Variants in NECTIN2 observed in about 807,000 individuals in gnomAD.
NECTIN2 encodes the protein nectin-2.
In NECTIN2, 23 loss-of-function variants were observed where a neutral mutation model predicts 56.9. The observed-to-expected ratio is 0.40, with a 90% CI of 0.29 to 0.57. The LOEUF (loss-of-function observed/expected upper bound fraction) is 0.57, where lower values mean the gene tolerates loss of function less well. Ranked by LOEUF, NECTIN2 falls within the 20% of genes least tolerant of loss-of-function variation. The pLI is 0.38. For missense variants in NECTIN2, 587 were observed against 718.3 expected (o/e 0.82, Z 2.09); for synonymous variants, 302 against 313.8 (o/e 0.96, Z 0.40).
At position 44,888,967 on chromosome 19, in the gene NECTIN2, A is replaced by G. The variant is rs746856829; in HGVS notation, c.*588A>G. The G allele has an allele frequency of 6.7e-6, 1 of 148,538 alleles. No homozygotes were observed. Among genetic ancestry groups the G allele is most frequent in the Non-Finnish European group, 1.5e-5 (1 of 67,340 alleles). 9.2% of individuals were successfully genotyped at this position (148,538 alleles called of 1,614,324 possible). ...TCCCTGAGCCCCCACCCCCACCCCAATTCCTGCCTACCAAGCAAGCAGCCC... is the reference window on the plus strand; with the variant it reads ...TCCCTGAGCCCCCACCCCCACCCCAGTTCCTGCCTACCAAGCAAGCAGCCC... On this transcript the variant is annotated 3_prime_UTR_variant, in exon 9 of 9. Transcript: ENST00000252483.
intron 1 of NECTIN2, among the ~76,000 whole-genome samples, chr19:44,856,739 G>A (rs1968969879): frequency 6.6e-6 from 1 of 152,128 alleles, no homozygotes; most frequent in Admixed American, 6.6e-5. Flanking sequence ...TGCCTTGTGG[G>A]AGGGGGGTGA....
chr19:44,877,640 C>A (rs1481487940), intron 5 of NECTIN2, among the ~76,000 whole-genome samples: 1 of 152,258 alleles, frequency 6.6e-6, no homozygotes, highest in East Asian at 1.9e-4. Flanking sequence ...GCTTTGGGAT[C>A]AGACAGCCTC....
chr19:44,854,807 C>T (rs1968944353), intron 1 of NECTIN2, among the ~76,000 whole-genome samples: 1 of 150,770 alleles, frequency 6.6e-6, no homozygotes, highest in Admixed American at 6.6e-5. Flanking sequence ...AGTGAGACTC[C>T]ACCTCAAAAA....
intron 3 of NECTIN2, 102 bp from the exon 4 acceptor site, chr19:44,873,814 G>A: frequency 1.2e-6 from 1 of 863,518 alleles, no homozygotes; most frequent in Non-Finnish European, 1.9e-6. Context: ...TGTACCTCCT[G>A]CCAACCCGCC....
At chr19:44,879,647 C>T (rs528419326) in intron 5 of NECTIN2, among the ~76,000 whole-genome samples, 130 of 152,174 alleles carry the variant, frequency 8.5e-4, no homozygotes, top group Non-Finnish European at 1.5e-3. Flanking sequence ...GGAGGGGCGG[C>T]CCTTGGTCCT....
chr19:44,876,343 A>C (rs1188722100), intron 5 of NECTIN2, among the ~76,000 whole-genome samples: 1 of 152,046 alleles, frequency 6.6e-6, no homozygotes, highest in East Asian at 1.9e-4. Flanking sequence ...CCACACACCC[A>C]GCAGGTGGCT....
chr19:44,878,824 G>T, intron 5 of NECTIN2: 2 of 1,382,424 alleles, frequency 1.4e-6, no homozygotes, highest in Non-Finnish European at 1.9e-6. Flanking sequence ...GGAGCCCGGG[G>T]AGCTGAGTAG....
intron 1 of NECTIN2, among the ~76,000 whole-genome samples, chr19:44,863,065 G>A (rs1216495330): frequency 6.6e-6 from 1 of 151,930 alleles, no homozygotes; most frequent in Admixed American, 6.6e-5. Flanking sequence ...GGGAGGCTGA[G>A]GCAGGAGAAT....
chr19:44,879,709 C>T (rs3852860), intron 5 of NECTIN2, among the ~76,000 whole-genome samples: 63,937 of 151,972 alleles, frequency 0.42, 14,213 homozygotes, highest in East Asian at 0.75. Context: ...CACCTCTGCT[C>T]TCCCAAGCCT....
chr19:44,887,651 C>T (rs1233346845), intron 8 of NECTIN2, among the ~76,000 whole-genome samples: 1 of 149,672 alleles, frequency 6.7e-6, no homozygotes, highest in East Asian at 1.9e-4. Context: ...GTCTCAACAA[C>T]AAAAAAAAAC....
Position 44,865,638 on chromosome 19 carries a change from G to A in NECTIN2, c.456G>A (p.Gly152=). 2 of 1,533,774 alleles carry A rather than the reference G, an allele frequency of 1.3e-6. No individual in the cohort carries two copies. The highest frequency in any genetic ancestry group is 1.7e-6 in the Non-Finnish European group (2 of 1,144,288). ...CCTTCCCCAAGGGGTCCGTCCGAGG[G>A]ATGACCTGGCTCAGAGTCATAGGTG... ...FATFPKGSVR[G]MTWLRVIAKP... The change falls in exon 2 of 9, where the codon GGG becomes GGA. Residue 152 remains glycine, a synonymous_variant. Transcript: ENST00000252483. This position sits in a 1 kb window ranked among gnomAD's most constrained non-coding sequence, Gnocchi z 5.2.
Position 44,888,756 on chromosome 19 carries a change from C to T in NECTIN2, c.*377C>T, listed in dbSNP as rs1274438790. 1 of 204,344 alleles carries T rather than the reference C, an allele frequency of 4.9e-6. No homozygotes were observed. Among genetic ancestry groups the T allele is most frequent in the African/African-American group, 2.3e-5 (1 of 44,174 alleles). The allele number at this position is 204,344 out of a possible 1,614,324, so 12.7% of individuals were successfully genotyped here. A position where few individuals can be genotyped will look rare whatever the true frequency, so the allele number is the denominator to read the frequency against. On this transcript the variant is annotated 3_prime_UTR_variant, in exon 9 of 9. Coordinates refer to ENST00000252483, the MANE Select transcript of NECTIN2 (RefSeq NM_001042724.2). ...AATTTGTCTTCAGGTAGTAAATTCC[C>T]AATAGGTCTGCTGGAGTGGGCGCTG...
chr19:44,868,486 T>C (rs1969130882), intron 2 of NECTIN2, among the ~76,000 whole-genome samples: 2 of 151,018 alleles, frequency 1.3e-5, no homozygotes, highest in African/African-American at 2.4e-5. Context: ...TTTTTTCTTT[T>C]TTTGAGACAA....
At chr19:44,851,236 C>T (rs1968896250) in intron 1 of NECTIN2, among the ~76,000 whole-genome samples, 1 of 150,950 alleles carries the variant, frequency 6.6e-6, no homozygotes, top group Admixed American at 6.6e-5. Context: ...GGAGTCCAGG[C>T]CCCCATCCTT....
intron 3 of NECTIN2, among the ~76,000 whole-genome samples, chr19:44,872,909 T>C (rs1364593583): frequency 6.7e-6 from 1 of 148,422 alleles, no homozygotes; most frequent in East Asian, 1.9e-4. Flanking sequence ...TTTAATATAA[T>C]ATAATTACAT....
chr19:44,883,464 G>A (rs1038665712), intron 6 of NECTIN2, among the ~76,000 whole-genome samples: 7 of 152,018 alleles, frequency 4.6e-5, no homozygotes, highest in Admixed American at 6.6e-5. Flanking sequence ...TAGTAGAGAC[G>A]GAGTTTCACC....
In NECTIN2 at chr19:44,865,325, G is replaced by A; in HGVS notation, c.143G>A (p.Gly48Asp). 2 of 1,613,988 alleles carry A rather than the reference G, an allele frequency of 1.2e-6. No individual in the cohort carries two copies. Among genetic ancestry groups the A allele is most frequent in the Non-Finnish European group, 1.7e-6 (2 of 1,179,940 alleles). ...CCCGAGGTGCGAGGCCAGCTCGGGG[G>A]CACCGTGGAGCTGCCGTGCCACCTG... Reference protein sequence around the residue: ...VLPEVRGQLGGTVELPCHLLP... With the variant: ...VLPEVRGQLGDTVELPCHLLP... The change falls in exon 2 of 9, where the codon GGC (glycine) becomes GAC (aspartate). Residue 48 changes from glycine (G) to aspartate (D), a missense_variant. By Grantham distance (94) the Gly-to-Asp change is moderately conservative. Coordinates refer to ENST00000252483, the MANE Select transcript of NECTIN2 (RefSeq NM_001042724.2). The surrounding 1 kb of genome is among the most constrained non-coding windows in gnomAD (Gnocchi z 5.2).
rs374589262 is a variant in NECTIN2 at position 44,882,277 on chromosome 19, T to C, written c.1109T>C (p.Ile370Thr). 1.1e-4 allele frequency: 170 copies of C among 1,562,416 alleles called. No homozygotes were observed. The highest frequency in any genetic ancestry group is 1.8e-4 in the Middle Eastern group (1 of 5,410). ...ATCGGGGGCATCATCGCCGCCATCA[T>C]TGCTACTGCTGTGGCTGCCACGGGC... The part of the protein sequence containing the change: ...GIIGGIIAAI[I>T]ATAVAATGIL... The change falls in exon 6 of 9, where the codon ATT (isoleucine) becomes ACT (threonine). Residue 370 changes from isoleucine to threonine, a missense_variant. Transcript: ENST00000252483.
chr19:44,873,347 C>T (rs1914016923), intron 3 of NECTIN2, among the ~76,000 whole-genome samples: 1 of 152,162 alleles, frequency 6.6e-6, no homozygotes, highest in South Asian at 2.1e-4. Context: ...AAAACACACA[C>T]ACAGGCCGGG....
Sources: allele counts gnomAD v4.1 joint callset (sites outside exome capture counted in the v4.1 genomes callset), GRCh38; gene constraint gnomAD v4.1.1; non-coding constraint Gnocchi (gnomAD v3.1); transcripts MANE v1.5; gene names NCBI Gene and HGNC (gene_info 2026-07-23, HGNC 2026-07-21).